Variants in MGST1 observed in about 807,000 individuals in gnomAD.
MGST1 encodes glutathione S-transferase 12.
A neutral mutation model predicts 8.9 loss-of-function variants in MGST1; 5 were observed. The observed-to-expected ratio is 0.56, with a 90% confidence interval of 0.29 to 1.19. The LOEUF (loss-of-function observed/expected upper bound fraction) is 1.19, where lower values mean the gene tolerates loss of function less well. Among genes scored for constraint, MGST1 ranks in the 50% most tolerant of loss-of-function variants. MGST1 has a pLI of 0.08. For synonymous variants in MGST1, 54 were observed against 67.8 expected, an observed-to-expected ratio of 0.80 and a Z score of 1.00; for missense variants, 182 against 187.4, an observed-to-expected ratio of 0.97 and a Z score of 0.17.
At chr12:16,578,776 C>A (rs1943070048) in intron 4 of MGST1, among the ~76,000 whole-genome samples, 1 of 151,862 alleles carries the variant, frequency 6.6e-6, no homozygotes, top group South Asian at 2.1e-4. Flanking sequence ...CGAGATCGAG[C>A]CACTGAACTC....
At chr12:16,354,090 A>G (rs1216273925) in intron 1 of MGST1, 141 bp from the exon 2 acceptor site, 15 of 672,790 alleles carry the variant, frequency 2.2e-5, no homozygotes, top group Non-Finnish European at 3.3e-5. Flanking sequence ...TAAAAACTAA[A>G]CAATCATTTC....
chr12:16,400,982 A>G, intron 1 of MGST1: 1 of 1,458,860 alleles, frequency 6.9e-7, no homozygotes, highest in Non-Finnish European at 9.6e-7. Flanking sequence ...TTGAGCCACT[A>G]GTTCTTTTTG....
chr12:16,382,099 C>T (rs141192515), downstream of MGST1, among the ~76,000 whole-genome samples: 5 of 152,044 alleles, frequency 3.3e-5, no homozygotes, highest in South Asian at 2.1e-4. Context: ...TCCTGTAGCT[C>T]GGAGTAGTTT....
At chr12:16,415,954 A>T (rs1436933125) in intron 1 of MGST1, among the ~76,000 whole-genome samples, 1 of 152,228 alleles carries the variant, frequency 6.6e-6, no homozygotes, top group East Asian at 1.9e-4. Context: ...CATAATCAAG[A>T]AATAATCTTT....
chr12:16,492,002 C>T (rs1349106636), intron 4 of MGST1, among the ~76,000 whole-genome samples: 1 of 152,064 alleles, frequency 6.6e-6, no homozygotes, highest in Non-Finnish European at 1.5e-5. Context: ...TGGTTCAATT[C>T]TCTTATTATC....
chr12:16,351,411 C>CTT (rs1259955509), intron 1 of MGST1, among the ~76,000 whole-genome samples: 1 of 152,130 alleles, frequency 6.6e-6, no homozygotes, highest in Non-Finnish European at 1.5e-5. Context: ...AGACTAGAGA[C>CTT]TTATGGAGGT....
In MGST1 at chr12:16,576,385, C is replaced by A. The variant is rs1469308077; in HGVS notation, n.483-13143C>A. On this transcript the variant is annotated intron_variant and non_coding_transcript_variant, in intron 4 of 4. Transcript: ENST00000538857. This position sits in a 1 kb window ranked among gnomAD's most constrained non-coding sequence, Gnocchi z 4.1. ...TCTACTTTCACACCTGATGTCCTAC[C>A]ACTCCTGCCTGCTGAGTTCCTACTA... 6.6e-6 allele frequency among the ~76,000 whole-genome samples: 1 copy of A among 152,170 alleles called. No individual in the cohort carries two copies. The highest frequency in any genetic ancestry group is 1.5e-5 in the Non-Finnish European group (1 of 68,042).
chr12:16,526,655 G>A (rs940566510), intron 4 of MGST1, among the ~76,000 whole-genome samples: 22 of 152,026 alleles, frequency 1.4e-4, no homozygotes, highest in African/African-American at 4.1e-4. Context: ...TGAGTCACAA[G>A]TATGAATTCA....
At chr12:16,437,138 T>C (rs1261866467) in intron 1 of MGST1, among the ~76,000 whole-genome samples, 1 of 151,856 alleles carries the variant, frequency 6.6e-6, no homozygotes, top group East Asian at 1.9e-4. Flanking sequence ...ATATTAGTCC[T>C]GGGAATGTTA....
intron 4 of MGST1, among the ~76,000 whole-genome samples, chr12:16,543,912 A>T (rs900486128): frequency 2.0e-5 from 3 of 152,064 alleles, no homozygotes; most frequent in African/African-American, 7.2e-5. Context: ...AAGACTGGGG[A>T]TAAATTCTTA....
At chr12:16,376,237 G>A (rs1476394735) in exon 4 of MGST1, 4 of 656,700 alleles carry the variant, frequency 6.1e-6, no homozygotes, top group Admixed American at 6.2e-5. Context: ...GTGAATAATT[G>A]AAGAAAAAAT....
At position 16,363,867 on chromosome 12, in the gene MGST1, C is replaced by T. The variant is rs766793209; in HGVS notation, c.294C>T (p.Pro98=). The T allele has an allele frequency of 1.4e-5, 23 of 1,613,554 alleles. No homozygotes were observed. Among genetic ancestry groups the T allele is most frequent in the Admixed American group, 6.7e-5 (4 of 59,968 alleles). The change falls in exon 4 of 4, where the codon CCC becomes CCT. Residue 98 remains proline (P), a synonymous_variant. Coordinates refer to ENST00000396210, the MANE Select transcript of MGST1 (RefSeq NM_020300.5). The surrounding 1 kb of genome is among the most constrained non-coding windows in gnomAD (Gnocchi z 4.6). Reference sequence around the variant, plus strand: ...GCCTCCTGTATTCCTTGAGTGGTCCCGACCCCTCTACAGCCATCCTGCACT... The same window carrying T: ...GCCTCCTGTATTCCTTGAGTGGTCCTGACCCCTCTACAGCCATCCTGCACT... The part of the protein sequence containing the change: ...GIGLLYSLSG[P]DPSTAILHFR...
intron 1 of MGST1, chr12:16,402,386 C>T (rs951342136): frequency 1.1e-5 from 18 of 1,604,492 alleles, no homozygotes; most frequent in South Asian, 8.8e-5. Context: ...CTTCACTCAC[C>T]GATAATAAGC....
At chr12:16,438,094 A>T (rs1429349856) in exon 2 of MGST1, 1 of 151,968 alleles carries the variant, frequency 6.6e-6, no homozygotes, top group African/African-American at 2.4e-5. Flanking sequence ...AAAATCAACT[A>T]TGTGGCACAA....
chr12:16,406,052 C>T (rs1339718838), intron 1 of MGST1, among the ~76,000 whole-genome samples: 2 of 152,252 alleles, frequency 1.3e-5, no homozygotes, highest in Middle Eastern at 3.4e-3. Context: ...TATTGGAAGT[C>T]CTGGTCAGAG....
chr12:16,566,307 A>G (rs1404063130), intron 4 of MGST1, among the ~76,000 whole-genome samples: 1 of 151,768 alleles, frequency 6.6e-6, no homozygotes, highest in Non-Finnish European at 1.5e-5. Context: ...GACAGTTAAG[A>G]GAAATAAGTT....
chr12:16,352,380 C>T (rs566810425), intron 1 of MGST1, among the ~76,000 whole-genome samples: 3 of 152,170 alleles, frequency 2.0e-5, no homozygotes, highest in African/African-American at 7.2e-5. Flanking sequence ...CTAATAAGGA[C>T]ACAATGCAGG....
At chr12:16,489,367 A>C (rs1232004857) in intron 4 of MGST1, among the ~76,000 whole-genome samples, 1 of 152,112 alleles carries the variant, frequency 6.6e-6, no homozygotes, top group African/African-American at 2.4e-5. Flanking sequence ...TCTTAGTGGT[A>C]TATAGTGTTA....
intron 4 of MGST1, among the ~76,000 whole-genome samples, chr12:16,444,136 A>G (rs1255579738): frequency 2.7e-5 from 4 of 149,648 alleles, no homozygotes. Context: ...TTGGACCAAC[A>G]CTGAAGTGGA....
Sources: gnomAD v4.1 joint callset for allele counts (sites outside exome capture counted in the v4.1 genomes callset) on GRCh38, gnomAD v4.1.1 for gene constraint, Gnocchi (gnomAD v3.1) non-coding constraint, MANE v1.5 for transcripts, NCBI Gene and HGNC (gene_info 2026-07-23, HGNC 2026-07-21) for gene names.